The following DDX39A variants were observed in gnomAD, a reference collection of about 807,000 sequenced individuals.
DDX39A encodes DExD-box helicase 39A.
A neutral mutation model predicts 46.3 loss-of-function variants in DDX39A; 13 were observed. The observed-to-expected ratio is 0.28, with a 90% CI of 0.18 to 0.45. The LOEUF (loss-of-function observed/expected upper bound fraction) is 0.45. Ranked by LOEUF, DDX39A falls within the 20% of genes least tolerant of loss-of-function variation. DDX39A has a pLI of 1.00. For missense variants in DDX39A, 352 were observed against 581.8 expected (o/e 0.61, Z 4.06); for synonymous variants, 234 against 224.6 (o/e 1.04, Z -0.38).
rs773982727 is a variant in DDX39A at position 14,411,220 on chromosome 19, G to A, written c.430-48C>T. ...GCTCCATGCTGATACACGGCCCAAG[G>A]CCCCAACCTGCACGGCCCAGCACCT... On this transcript the variant is annotated intron_variant, in intron 4 of 10. Coordinates refer to ENST00000242776, the MANE Select transcript of DDX39A (RefSeq NM_005804.4). The surrounding 1 kb of genome is among the most constrained non-coding windows in gnomAD (Gnocchi z 4.1). The A allele has an allele frequency of 1.3e-6, 2 of 1,527,016 alleles. No individual in the cohort carries two copies. The highest frequency in any genetic ancestry group is 2.1e-5 in the Admixed American group (1 of 48,114). The allele number at this position is 1,527,016 out of a possible 1,614,324, so 94.6% of individuals were successfully genotyped here. A position where few individuals can be genotyped will look rare whatever the true frequency, so the allele number is the denominator to read the frequency against.
chr19:14,415,718 C>T (rs1976785363), intron 1 of DDX39A, among the ~76,000 whole-genome samples: 1 of 152,052 alleles, frequency 6.6e-6, no homozygotes, highest in Non-Finnish European at 1.5e-5. Context: ...ATATCCTCCT[C>T]CCTGGTTTCC....
In DDX39A at chr19:14,411,472, T is replaced by C. The variant is rs899935581; in HGVS notation, c.429+34A>G. On this transcript the variant is annotated intron_variant, in intron 4 of 10. Coordinates refer to ENST00000242776, the MANE Select transcript of DDX39A (RefSeq NM_005804.4). This position sits in a 1 kb window ranked among gnomAD's most constrained non-coding sequence, Gnocchi z 4.1. ...GGCTAACAAAGCTGCAGAAACCAAG[T>C]GGCGCCTGGTCCAGTCTGGCCCGAG... 2 of 1,581,816 alleles carry C rather than the reference T, an allele frequency of 1.3e-6. No individual in the cohort carries two copies. The highest frequency in any genetic ancestry group is 1.7e-5 in the Admixed American group (1 of 59,838).
At chr19:14,418,120 CAAAA>C (rs60701169) in intron 1 of DDX39A, among the ~76,000 whole-genome samples, 149 of 52,332 alleles carry the variant, frequency 2.8e-3, no homozygotes, top group Middle Eastern at 9.8e-3. Context: ...GGCTCTGTCT[CAAAA>C]AAAAAAAAAA....
Position 14,412,410 on chromosome 19 carries a change from C to T in DDX39A, c.336+141G>A, listed in dbSNP as rs756945904. 7.7e-5 allele frequency: 92 copies of T among 1,196,200 alleles called. No homozygotes were observed. Among genetic ancestry groups the T allele is most frequent in the Non-Finnish European group, 9.9e-5 (85 of 858,486 alleles). The allele number at this position is 1,196,200 out of a possible 1,614,324, so 74.1% of individuals were successfully genotyped here. On this transcript the variant is annotated intron_variant, in intron 3 of 10. Transcript: ENST00000242776. This position sits in a 1 kb window ranked among gnomAD's most constrained non-coding sequence, Gnocchi z 4.4. ...GTGGTGTGATCATAGCACACTGCAG[C>T]CTCGACTTCCTGGGCTCAAGCAATC...
intron 1 of DDX39A, chr19:14,419,000 G>C (rs1364712527): frequency 2.2e-6 from 1 of 456,048 alleles, no homozygotes; most frequent in Non-Finnish European, 4.4e-6. Context: ...ACTCCAAGTG[G>C]GGCTCGGAGC....
In DDX39A at chr19:14,409,904, C is replaced by T; in HGVS notation, c.733-31G>A. ...TGGGAAGGGAGGTGGGAGGGGCGGG[C>T]AGGGATCACCTCTGGGCATCTCGCC... On this transcript the variant is annotated intron_variant, in intron 6 of 10. Coordinates refer to ENST00000242776, the MANE Select transcript of DDX39A (RefSeq NM_005804.4). The surrounding 1 kb of genome is among the most constrained non-coding windows in gnomAD (Gnocchi z 8.3). The T allele has an allele frequency of 1.9e-6, 3 of 1,612,004 alleles. No homozygotes were observed. Among genetic ancestry groups the T allele is most frequent in the Middle Eastern group, 1.7e-4 (1 of 6,060 alleles).
rs763677065 is a variant in DDX39A at position 14,411,158 on chromosome 19, G to A, written c.444C>T (p.Phe148=). ...YMPSVKVSVF[F]GGLSIKKDEE... is the part of the protein sequence containing the mutation. Reference sequence around the variant, plus strand: ...CATCCTTCTTGATGGAGAGACCACCGAAGAACACAGACACCTATGGGGATG... The same window carrying A: ...CATCCTTCTTGATGGAGAGACCACCAAAGAACACAGACACCTATGGGGATG... The change falls in exon 5 of 11, where the codon TTC becomes TTT. Residue 148 remains phenylalanine, a synonymous_variant. Transcript: ENST00000242776. This position sits in a 1 kb window ranked among gnomAD's most constrained non-coding sequence, Gnocchi z 4.1. The A allele has an allele frequency of 3.2e-6, 5 of 1,584,386 alleles. No individual in the cohort carries two copies. The highest frequency in any genetic ancestry group is 1.9e-5 in the Admixed American group (1 of 53,778).
chr19:14,419,274 C>G lies in DDX39A; in HGVS notation c.-9G>C. ...CGCCCGGGATCCGCTGCTCACCTGG[C>G]TCCCCGTTCTTCTCCGCGCGCTGCT... On this transcript the variant is annotated 5_prime_UTR_variant, in exon 1 of 11. Coordinates refer to ENST00000242776, the MANE Select transcript of DDX39A (RefSeq NM_005804.4). The G allele has an allele frequency of 3.6e-6, 1 of 274,980 alleles. No individual in the cohort carries two copies. The highest frequency in any genetic ancestry group is 2.8e-5 in the South Asian group (1 of 36,150). The allele number at this position is 274,980 out of a possible 1,614,324, so 17.0% of individuals were successfully genotyped here.
chr19:14,412,530 G>T lies in DDX39A; in HGVS notation c.336+21C>A. 6.2e-7 allele frequency: 1 copy of T among 1,601,122 alleles called. No individual in the cohort carries two copies. Among genetic ancestry groups the T allele is most frequent in the Non-Finnish European group, 8.5e-7 (1 of 1,177,738 alleles). On this transcript the variant is annotated intron_variant, in intron 3 of 10. Transcript: ENST00000242776. The surrounding 1 kb of genome is among the most constrained non-coding windows in gnomAD (Gnocchi z 4.4). ...CGCCGCCACAGGCAGGGTGGGGCCA[G>T]GAAGGGAGGAGCCCACCCACCTGTC...
rs769817457 is a variant in DDX39A, at chr19:14,409,609, C to T, written c.901G>A (p.Ala301Thr). 6.3e-5 allele frequency: 101 copies of T among 1,611,838 alleles called. No individual in the cohort carries two copies. Among genetic ancestry groups the T allele is most frequent in the Non-Finnish European group, 4.7e-5 (55 of 1,179,346 alleles). ...TGCTCCACGAGGAGCTGGGCCAGGG[C>T]CATGCAGCGCTGCACTGACTTGACG... The part of the protein sequence containing the change: ...IFVKSVQRCM[A>T]LAQLLVEQNF... The change falls in exon 8 of 11, where the codon GCC becomes ACC. Residue 301 changes from alanine (A) to threonine (T), a missense_variant. Transcript: ENST00000242776. This position sits in a 1 kb window ranked among gnomAD's most constrained non-coding sequence, Gnocchi z 8.3.
Position 14,410,495 on chromosome 19 carries a change from G to T in DDX39A, c.614-161C>A, listed in dbSNP as rs990677079. 4 of 657,104 alleles carry T rather than the reference G, an allele frequency of 6.1e-6. No homozygotes were observed. In the African/African-American group the frequency reaches 7.2e-5, roughly 12 times the overall value. 40.7% of individuals were successfully genotyped at this position (657,104 alleles called of 1,614,324 possible). On this transcript the variant is annotated intron_variant, in intron 5 of 10. Coordinates refer to ENST00000242776, the MANE Select transcript of DDX39A (RefSeq NM_005804.4). This position sits in a 1 kb window ranked among gnomAD's most constrained non-coding sequence, Gnocchi z 4.3. ...GAGTGGCCAGTCCTGGTGCCTGAGG[G>T]GCTGGGGGGTGGCCAGCGAGCGCAG... is the stretch of plus-strand genomic sequence containing the variant.
chr19:14,414,936 TAAAAAAAAAAAA>T (rs1006829482), intron 1 of DDX39A, among the ~76,000 whole-genome samples: 39 of 72,808 alleles, frequency 5.4e-4, no homozygotes, highest in Non-Finnish European at 1.1e-3. Flanking sequence ...CACTCCAGCC[TAAAAAAAAAAAA>T]AAAAAAAAAG....
rs928966257 is a variant in DDX39A at position 14,410,406 on chromosome 19, C to G, written c.614-72G>C. 1 of 1,339,168 alleles carries G rather than the reference C, an allele frequency of 7.5e-7. No homozygotes were observed. Among genetic ancestry groups the G allele is most frequent in the African/African-American group, 1.4e-5 (1 of 69,822 alleles). 83.0% of individuals were successfully genotyped at this position (1,339,168 alleles called of 1,614,324 possible). On this transcript the variant is annotated intron_variant, in intron 5 of 10. Transcript: ENST00000242776. The surrounding 1 kb of genome is among the most constrained non-coding windows in gnomAD (Gnocchi z 4.3). The stretch of plus-strand genomic sequence containing the variant: ...CAGGACCCCCACCCCAGACCAGACC[C>G]AGACCCCTCCCAACCTGTGCCAGGG...
intron 1 of DDX39A, among the ~76,000 whole-genome samples, chr19:14,417,424 C>T (rs1976852486): frequency 7.2e-6 from 1 of 138,640 alleles, no homozygotes; most frequent in South Asian, 2.2e-4. Flanking sequence ...AGTTCGAGAC[C>T]AACCTGGACA....
At chr19:14,418,979 C>A (rs537132370) in intron 1 of DDX39A, 5 of 456,276 alleles carry the variant, frequency 1.1e-5, no homozygotes, top group African/African-American at 1.0e-4. Context: ...TCTATTCGGA[C>A]GAACTGACAG....
chr19:14,412,756 CCA>C lies in DDX39A; in HGVS notation c.209-80_209-79del. ...GGATCCTCACCAGTTGACCGGGGGC[CCA>C]CAGTGAGGGCAATCAGAAGAGGCCG... On this transcript the variant is annotated intron_variant, in intron 2 of 10. Transcript: ENST00000242776. The surrounding 1 kb of genome is among the most constrained non-coding windows in gnomAD (Gnocchi z 4.4). 1 of 1,529,542 alleles carries C rather than the reference CCA, an allele frequency of 6.5e-7. No individual in the cohort carries two copies. The highest frequency in any genetic ancestry group is 8.8e-7 in the Non-Finnish European group (1 of 1,139,614). 94.7% of individuals were successfully genotyped at this position (1,529,542 alleles called of 1,614,324 possible).
rs1976460041 is a variant in DDX39A at position 14,409,443 on chromosome 19, A to C, written c.979T>G (p.Ser327Ala). The change falls in exon 9 of 11, where the codon TCA becomes GCA. Residue 327 changes from serine (S) to alanine (A), a missense_variant. Coordinates refer to ENST00000242776, the MANE Select transcript of DDX39A (RefSeq NM_005804.4). This position sits in a 1 kb window ranked among gnomAD's most constrained non-coding sequence, Gnocchi z 8.3. ...AAATCCTTGAACTGCTGATAGCGTG[A>C]CAGGCTGGGGTGCAGGAGAAACAAG... ...HRGMAQEERL[S>A]RYQQFKDFQR... The C allele has an allele frequency of 6.2e-7, 1 of 1,614,032 alleles. No homozygotes were observed. Among genetic ancestry groups the C allele is most frequent in the Non-Finnish European group, 8.5e-7 (1 of 1,180,030 alleles).
chr19:14,411,224 C>T lies in DDX39A; in HGVS notation c.430-52G>A. On this transcript the variant is annotated intron_variant, in intron 4 of 10. Coordinates refer to ENST00000242776, the MANE Select transcript of DDX39A (RefSeq NM_005804.4). This position sits in a 1 kb window ranked among gnomAD's most constrained non-coding sequence, Gnocchi z 4.1. ...CATGCTGATACACGGCCCAAGGCCC[C>T]AACCTGCACGGCCCAGCACCTGCGA... is the stretch of plus-strand genomic sequence containing the variant. The T allele has an allele frequency of 6.6e-6, 10 of 1,524,176 alleles. No individual in the cohort carries two copies. The highest frequency in any genetic ancestry group is 8.8e-6 in the Non-Finnish European group (10 of 1,135,454). The allele number at this position is 1,524,176 out of a possible 1,614,324, so 94.4% of individuals were successfully genotyped here. A position where few individuals can be genotyped will look rare whatever the true frequency, so the allele number is the denominator to read the frequency against.
chr19:14,410,341 G>C lies in DDX39A; in HGVS notation c.614-7C>G, dbSNP rs902482483. ...TGCACATCCCGCCGCATGTCTAGGT[G>C]GGGAGGGCAAGACATGGGTGGGCAT... is the stretch of plus-strand genomic sequence containing the variant. On this transcript the variant is annotated splice_region_variant and splice_polypyrimidine_tract_variant and intron_variant, in intron 5 of 10. Transcript: ENST00000242776. The surrounding 1 kb of genome is among the most constrained non-coding windows in gnomAD (Gnocchi z 4.3). The C allele has an allele frequency of 1.2e-5, 20 of 1,612,662 alleles. No homozygotes were observed. The highest frequency in any genetic ancestry group is 3.3e-5 in the Admixed American group (2 of 59,996).
Sources: allele counts gnomAD v4.1 joint callset (sites outside exome capture counted in the v4.1 genomes callset), GRCh38; gene constraint gnomAD v4.1.1; non-coding constraint Gnocchi (gnomAD v3.1); transcripts MANE v1.5; gene names NCBI Gene and HGNC (gene_info 2026-07-23, HGNC 2026-07-21).